MCMDC2: variants seen among roughly 807,000 people sequenced by gnomAD.
MCMDC2 encodes the protein minichromosome maintenance domain-containing protein 2.
A neutral mutation model predicts 75.8 loss-of-function variants in MCMDC2; 54 were observed. That is an observed-to-expected ratio of 0.71 (90% confidence interval 0.57 to 0.89). MCMDC2 has a LOEUF of 0.89. MCMDC2 is among the 40% of genes least tolerant of loss of function. The pLI is 0.00. For missense variants in MCMDC2, 656 were observed against 780.4 expected (o/e 0.84, Z 1.90); for synonymous variants, 249 against 274.6 (o/e 0.91, Z 0.92).
chr8:66,905,788 C>G (rs559645640), intron 14 of MCMDC2, among the ~76,000 whole-genome samples: 1 of 152,056 alleles, frequency 6.6e-6, no homozygotes, highest in Non-Finnish European at 1.5e-5. Flanking sequence ...AGATGGATCA[C>G]AAGGTCAGGA....
At chr8:66,880,494 CACTT>C (rs2130801271) in intron 7 of MCMDC2, among the ~76,000 whole-genome samples, 2 of 152,314 alleles carry the variant, frequency 1.3e-5, no homozygotes, top group South Asian at 4.1e-4. Flanking sequence ...ATAAAATTAT[CACTT>C]ATAAGGTCAT....
At chr8:66,925,642 A>T (rs533489128), downstream of MCMDC2, 1 of 152,278 alleles carries the variant, frequency 6.6e-6, no homozygotes, top group Non-Finnish European at 1.5e-5. Flanking sequence ...GGCTGAGTGC[A>T]CCGGCTCTGG....
At chr8:66,877,605 C>A in intron 5 of MCMDC2, 61 bp downstream of exon 5, 1 of 1,235,006 alleles carries the variant, frequency 8.1e-7, no homozygotes, top group South Asian at 1.5e-5. Context: ...TGGCTCACAC[C>A]TGTAATCCCT....
chr8:66,909,011 C>T (rs1813006883), intron 14 of MCMDC2, among the ~76,000 whole-genome samples: 5 of 152,182 alleles, frequency 3.3e-5, no homozygotes, highest in Admixed American at 3.3e-4. Flanking sequence ...CCCCAAATGT[C>T]AAAGGAGAGA....
chr8:66,914,051 G>A (rs1196154698), intron 14 of MCMDC2, among the ~76,000 whole-genome samples: 2 of 151,602 alleles, frequency 1.3e-5, no homozygotes, highest in African/African-American at 2.4e-5. Context: ...GCCAAGGCAG[G>A]AGAATCACTT....
At position 66,873,267 on chromosome 8, in the gene MCMDC2, G is replaced by T. The variant is rs543670470; in HGVS notation, c.-88-786G>T. On this transcript the variant is annotated intron_variant, in intron 1 of 14. Transcript: ENST00000422365. ...AAATTGGAAGGGGCTTTAATCATCTGATACAACACTTTCCTTTCCTACAGA... is the reference window on the plus strand; with the variant it reads ...AAATTGGAAGGGGCTTTAATCATCTTATACAACACTTTCCTTTCCTACAGA... 2.5e-4 allele frequency among the ~76,000 whole-genome samples: 38 copies of T among 152,222 alleles called. No individual in the cohort carries two copies. In the South Asian group the frequency reaches 7.7e-3, roughly 31 times the overall value.
rs1301906746 is a variant in MCMDC2, at chr8:66,877,086, T to A, written c.286-263T>A. 2.0e-5 allele frequency among the ~76,000 whole-genome samples: 3 copies of A among 152,142 alleles called. No homozygotes were observed. The East Asian group carries it at 5.8e-4, about 29-fold the overall frequency. ...GGTTGACATTGTTTTTTAAGTCTTT[T>A]CAGTGGATATGGTCAGAAATTGTGT... is the stretch of plus-strand genomic sequence containing the variant. On this transcript the variant is annotated intron_variant, in intron 4 of 14. Coordinates refer to ENST00000422365, the MANE Select transcript of MCMDC2 (RefSeq NM_173518.5).
At chr8:66,894,508 A>C (rs181074559) in intron 10 of MCMDC2, among the ~76,000 whole-genome samples, 1 of 152,378 alleles carries the variant, frequency 6.6e-6, no homozygotes, top group East Asian at 1.9e-4. Context: ...CAAGAAGTAA[A>C]ATAAAAATTG....
chr8:66,913,962 T>TAAAA (rs961586876), intron 14 of MCMDC2, among the ~76,000 whole-genome samples: 1 of 78,598 alleles, frequency 1.3e-5, no homozygotes, highest in Non-Finnish European at 2.4e-5. Flanking sequence ...AGACTCTGTC[T>TAAAA]AAAAAAAAAA....
intron 10 of MCMDC2, among the ~76,000 whole-genome samples, chr8:66,893,174 T>G (rs75136044): frequency 0.016 from 2,483 of 152,290 alleles, 65 homozygotes; most frequent in African/African-American, 0.055. Flanking sequence ...AATGTATAAG[T>G]GTGCTCAGGG....
chr8:66,914,252 T>G lies in MCMDC2; in HGVS notation c.1880-4751T>G, dbSNP rs185832270. Among the ~76,000 whole-genome samples the G allele has an allele frequency of 1.7e-3, 232 of 137,606 alleles. 5 individuals carry two copies. In the South Asian group the frequency reaches 0.025, roughly 15 times the overall value. 90.3% of individuals were successfully genotyped at this position (137,606 alleles called of 152,430 possible). On this transcript the variant is annotated intron_variant, in intron 14 of 14. Transcript: ENST00000422365. Reference sequence around the variant, plus strand: ...GAGCCATGATCATGCCACTGCACTTTAGCCTGGGCAACAGAGTAAGACCCT... The same window carrying G: ...GAGCCATGATCATGCCACTGCACTTGAGCCTGGGCAACAGAGTAAGACCCT...
intron 13 of MCMDC2, chr8:66,901,915 A>T (rs1812680900): frequency 6.6e-6 from 1 of 152,348 alleles, no homozygotes; most frequent in African/African-American, 2.4e-5. Context: ...TGGGCGACAC[A>T]GTGAGACTCC....
chr8:66,908,288 G>A (rs750913575), intron 14 of MCMDC2, among the ~76,000 whole-genome samples: 19 of 152,116 alleles, frequency 1.2e-4, no homozygotes, highest in Non-Finnish European at 1.9e-4. Flanking sequence ...TTCTGTGTAT[G>A]GCTAGCCAGT....
At chr8:66,906,544 C>G (rs1812909800) in intron 14 of MCMDC2, among the ~76,000 whole-genome samples, 1 of 151,718 alleles carries the variant, frequency 6.6e-6, no homozygotes, top group African/African-American at 2.4e-5. Context: ...ATGTGTGTGC[C>G]TTATACATTT....
In MCMDC2 at chr8:66,919,788, T is replaced by C. The variant is rs1231555383; in HGVS notation, c.*619T>C. 2 of 152,284 alleles carry C rather than the reference T, an allele frequency of 1.3e-5. No homozygotes were observed. Among genetic ancestry groups the C allele is most frequent in the Non-Finnish European group, 2.9e-5 (2 of 68,026 alleles). 9.4% of individuals were successfully genotyped at this position (152,284 alleles called of 1,614,324 possible). ...GCTAGGTTAAATGAAAAAAATACTT[T>C]ACACGGAAACAAGGAGCCAATAACT... On this transcript the variant is annotated 3_prime_UTR_variant, in exon 15 of 15. Transcript: ENST00000422365.
At chr8:66,892,703 C>T (rs1357224676) in intron 10 of MCMDC2, among the ~76,000 whole-genome samples, 2 of 152,182 alleles carry the variant, frequency 1.3e-5, no homozygotes, top group East Asian at 1.9e-4. Flanking sequence ...TGGTGGACTC[C>T]ACCCAGAACT....
chr8:66,908,365 A>G (rs1331372042), intron 14 of MCMDC2, among the ~76,000 whole-genome samples: 1 of 152,128 alleles, frequency 6.6e-6, no homozygotes. Flanking sequence ...AGGTTTATTG[A>G]AGATTATCAA....
intron 8 of MCMDC2, among the ~76,000 whole-genome samples, chr8:66,883,279 C>T (rs549611408): frequency 1.3e-5 from 2 of 152,308 alleles, no homozygotes; most frequent in African/African-American, 2.4e-5. Context: ...TATTATTCCT[C>T]TCTGAAGGTG....
chr8:66,872,680 G>A (rs76058561), intron 1 of MCMDC2, among the ~76,000 whole-genome samples: 2 of 151,982 alleles, frequency 1.3e-5, no homozygotes, highest in Admixed American at 6.6e-5. Context: ...TAATGAGGCC[G>A]GGTGCGGTGG....
Sources: gnomAD v4.1 joint callset for allele counts (sites outside exome capture counted in the v4.1 genomes callset) on GRCh38, gnomAD v4.1.1 for gene constraint, MANE v1.5 for transcripts, NCBI Gene and HGNC (gene_info 2026-07-23, HGNC 2026-07-21) for gene names.